Variants in ZNF320 observed in about 807,000 individuals in gnomAD.
ZNF320 encodes the protein zinc finger protein 320.
ZNF320 carries 2 observed loss-of-function variants against 6.8 expected under a neutral mutation model. The ratio of observed to expected loss-of-function variants is 0.29; its 90% CI spans 0.12 to 0.93. The LOEUF (loss-of-function observed/expected upper bound fraction) is 0.93, where lower values mean the gene tolerates loss of function less well. Ranked by LOEUF, ZNF320 falls within the 40% of genes least tolerant of loss-of-function variation. The pLI, the probability that ZNF320 is intolerant of heterozygous loss-of-function variation, is 0.55. For missense variants in ZNF320, 472 were observed against 611.0 expected (o/e 0.77, Z 2.40); for synonymous variants, 208 against 203.2 (o/e 1.02, Z -0.20).
chr19:52,891,963 C>A (rs1382661534), intron 2 of ZNF320: 1 of 152,184 alleles, frequency 6.6e-6, no homozygotes, highest in Admixed American at 6.5e-5. Flanking sequence ...AAAGAAACTT[C>A]TTTTGCAACG....
At chr19:52,866,390 A>G (rs2063573270) in intron 5 of ZNF320, among the ~76,000 whole-genome samples, 1 of 151,672 alleles carries the variant, frequency 6.6e-6, no homozygotes, top group African/African-American at 2.4e-5. Flanking sequence ...CTCCACATAC[A>G]TGTAGTGAAG....
intron 5 of ZNF320, among the ~76,000 whole-genome samples, chr19:52,886,977 AGAAGGAAG>A (rs57415767): frequency 8.9e-5 from 11 of 123,244 alleles, no homozygotes; most frequent in Admixed American, 4.9e-4. Context: ...AAAGAAAGAA[AGAAGGAAG>A]GAAGGAAGGA....
At chr19:52,890,557 C>T (rs1403376234) in intron 3 of ZNF320, among the ~76,000 whole-genome samples, 1 of 152,186 alleles carries the variant, frequency 6.6e-6, no homozygotes, top group African/African-American at 2.4e-5. Context: ...CCCTTCAGGG[C>T]ACAGACTCAG....
chr19:52,893,285 G>C (rs966776082), intron 2 of ZNF320: 1 of 147,250 alleles, frequency 6.8e-6, no homozygotes, highest in Non-Finnish European at 1.5e-5. Context: ...AACAGAGCAA[G>C]ACTTTCTCAA....
Position 52,877,620 on chromosome 19 carries a change from T to C in ZNF320, c.*2976A>G, listed in dbSNP as rs2063798760. The C allele has an allele frequency of 6.6e-6, 1 of 152,164 alleles. No homozygotes were observed. Among genetic ancestry groups the C allele is most frequent in the South Asian group, 2.1e-4 (1 of 4,832 alleles). 9.4% of individuals were successfully genotyped at this position (152,164 alleles called of 1,614,324 possible). A position where few individuals can be genotyped will look rare whatever the true frequency, so the allele number is the denominator to read the frequency against. On this transcript the variant is annotated 3_prime_UTR_variant, in exon 6 of 6. Coordinates refer to ENST00000682928, the MANE Select transcript of ZNF320 (RefSeq NM_001351774.2). ...AGGGTGGAGATCTTGAGGTTCCCGG[T>C]TTGGGAGGGGCATATGTAGCTTTTT...
exon 6 of ZNF320, chr19:52,862,297 G>T: frequency 1.7e-6 from 1 of 585,780 alleles, no homozygotes; most frequent in Non-Finnish European, 3.1e-6. Context: ...ATTCTAGTAT[G>T]TCCTGCAAGG....
At chr19:52,874,752 G>GA (rs992642797), downstream of ZNF320, among the ~76,000 whole-genome samples, 2 of 152,146 alleles carry the variant, frequency 1.3e-5, no homozygotes, top group Non-Finnish European at 2.9e-5. Flanking sequence ...TCATATGGGG[G>GA]CTGTGGGTGA....
chr19:52,894,397 AC>A (rs59467690), intron 1 of ZNF320, among the ~76,000 whole-genome samples: 16,710 of 96,818 alleles, frequency 0.17, 962 homozygotes, highest in East Asian at 0.28. Context: ...AAAAAAAAAA[AC>A]CAAAAAACAA....
intron 5 of ZNF320, among the ~76,000 whole-genome samples, chr19:52,864,526 T>C (rs572855710): frequency 4.6e-5 from 7 of 152,102 alleles, no homozygotes; most frequent in South Asian, 4.1e-4. Context: ...GGGCCAGCCA[T>C]AGTGGCTCAA....
At position 52,893,779 on chromosome 19, in the gene ZNF320, C is replaced by G. The variant is rs1215925658; in HGVS notation, c.-192G>C. 2.0e-5 allele frequency: 3 copies of G among 152,144 alleles called. No individual in the cohort carries two copies. The highest frequency in any genetic ancestry group is 2.9e-5 in the Non-Finnish European group (2 of 68,036). 9.4% of individuals were successfully genotyped at this position (152,144 alleles called of 1,614,324 possible). A position where few individuals can be genotyped will look rare whatever the true frequency, so the allele number is the denominator to read the frequency against. On this transcript the variant is annotated splice_region_variant and 5_prime_UTR_variant, in exon 2 of 6. Coordinates refer to ENST00000682928, the MANE Select transcript of ZNF320 (RefSeq NM_001351774.2). ...AGAGGACACAACCAAAGCTACTCACCAGGCTGAGGTGGGAGAATTGCTTGA... is the reference window on the plus strand; with the variant it reads ...AGAGGACACAACCAAAGCTACTCACGAGGCTGAGGTGGGAGAATTGCTTGA...
Position 52,880,047 on chromosome 19 carries a change from T to C in ZNF320, c.*549A>G, listed in dbSNP as rs2063866099. 6.6e-6 allele frequency: 1 copy of C among 152,198 alleles called. No individual in the cohort carries two copies. The highest frequency in any genetic ancestry group is 2.4e-5 in the African/African-American group (1 of 41,442). 9.4% of individuals were successfully genotyped at this position (152,198 alleles called of 1,614,324 possible). On this transcript the variant is annotated 3_prime_UTR_variant, in exon 6 of 6. Transcript: ENST00000682928. Reference sequence around the variant, plus strand: ...ACCCAGAGAAATTTCTATAACTTTTTGTTAAAGAAACAAAAAACAGGCCAG... The same window carrying C: ...ACCCAGAGAAATTTCTATAACTTTTCGTTAAAGAAACAAAAAACAGGCCAG...
rs1327145066 is a variant in ZNF320 at position 52,861,586 on chromosome 19, GT to G, written c.*2442del. Among the ~76,000 whole-genome samples the G allele has an allele frequency of 3.3e-5, 5 of 152,242 alleles. No individual in the cohort carries two copies. The South Asian group carries it at 1.0e-3, about 32-fold the overall frequency. On this transcript the variant is annotated 3_prime_UTR_variant, in exon 6 of 6. Coordinates refer to the ZNF320 transcript ENST00000673631. ...GATCTAACTGCCTTGGCCTCCCAAA[GT>G]GCTGGGATTACAGGCATGAGCCACC...
At chr19:52,898,901 C>T (rs753369058), upstream of ZNF320, among the ~76,000 whole-genome samples, 3 of 152,156 alleles carry the variant, frequency 2.0e-5, no homozygotes, top group South Asian at 4.1e-4. Flanking sequence ...CGGGCCTGGC[C>T]CCGGGGCTGC....
At chr19:52,890,151 T>A in intron 4 of ZNF320, 90 bp downstream of exon 4, 2 of 1,551,480 alleles carry the variant, frequency 1.3e-6, no homozygotes, top group East Asian at 4.5e-5. Context: ...TCAGGCAGGA[T>A]GCTTCAGACT....
In ZNF320 at chr19:52,881,374, C is replaced by A; in HGVS notation, c.752G>T (p.Gly251Val). ...GTGTGATGTCTGACTAAAGGTCTTG[C>A]CACACTCATTACACTTATAAGGTTT... Reference protein sequence around the residue: ...GEKPYKCNECGKTFSQTSHLV... With the variant: ...GEKPYKCNECVKTFSQTSHLV... Residue 251 changes from glycine (G) to valine (V), a missense_variant, in exon 6 of 6, where the codon GGC becomes GTC. Coordinates refer to ENST00000682928, the MANE Select transcript of ZNF320 (RefSeq NM_001351774.2). 1 of 1,613,420 alleles carries A rather than the reference C, an allele frequency of 6.2e-7. No individual in the cohort carries two copies. Among genetic ancestry groups the A allele is most frequent in the South Asian group, 1.1e-5 (1 of 91,038 alleles).
At chr19:52,887,476 T>C (rs780936252) in intron 5 of ZNF320, among the ~76,000 whole-genome samples, 2 of 152,234 alleles carry the variant, frequency 1.3e-5, no homozygotes, top group Non-Finnish European at 2.9e-5. Context: ...TGAATGCTGT[T>C]GGAGCACTGT....
chr19:52,864,498 C>T (rs750561392), intron 5 of ZNF320, among the ~76,000 whole-genome samples: 2 of 151,970 alleles, frequency 1.3e-5, no homozygotes, highest in African/African-American at 2.4e-5. Flanking sequence ...GTCCAGTGGC[C>T]TAAAGAAAAG....
Position 52,880,831 on chromosome 19 carries a change from C to T in ZNF320, c.1295G>A (p.Arg432Lys), listed in dbSNP as rs775658665. ...AGGTTTCTCTCCTGTATGAATCCTC[C>T]TATGTCTTTCAAGGTGTGATTTGCG... ...YIRKSHLERH[R>K]RIHTGEKPHK... The change falls in exon 6 of 6, where the codon AGG (arginine) becomes AAG (lysine). Residue 432 changes from arginine (R) to lysine (K), a missense_variant. Arg to Lys is a conservative substitution (Grantham distance 26, BLOSUM62 2). This residue lies in a region of ZNF320 where 462 missense variants were observed against 559.7 expected (regional missense o/e 0.83). Coordinates refer to ENST00000682928, the MANE Select transcript of ZNF320 (RefSeq NM_001351774.2). The T allele has an allele frequency of 6.0e-5, 97 of 1,613,828 alleles. No homozygotes were observed. The highest frequency in any genetic ancestry group is 4.0e-4 in the East Asian group (18 of 44,890).
chr19:52,872,151 C>T (rs553877728), downstream of ZNF320, among the ~76,000 whole-genome samples: 14 of 152,278 alleles, frequency 9.2e-5, no homozygotes, highest in African/African-American at 3.1e-4. Flanking sequence ...TTCCATTGCA[C>T]TCCAGAAAGG....
Sources: allele counts gnomAD v4.1 joint callset (sites outside exome capture counted in the v4.1 genomes callset), GRCh38; gene constraint gnomAD v4.1.1; regional missense constraint gnomAD v4.1.1; transcripts MANE v1.5; gene names NCBI Gene and HGNC (gene_info 2026-07-23, HGNC 2026-07-21).